The following DZIP3 variants were observed in gnomAD, a reference collection of about 807,000 sequenced individuals.
The protein encoded by DZIP3 is E3 ubiquitin-protein ligase DZIP3.
Under a neutral mutation model 162.0 loss-of-function variants are expected in DZIP3, and 118 were observed. The ratio of observed to expected loss-of-function variants is 0.73; its 90% confidence interval spans 0.63 to 0.85. The LOEUF (loss-of-function observed/expected upper bound fraction) is 0.85. DZIP3 is among the 40% of genes least tolerant of loss of function. The probability of loss-of-function intolerance (pLI) is 0.00; values close to 1 mark genes in which losing one functional copy is unlikely to be tolerated. For synonymous variants in DZIP3, 438 were observed against 458.6 expected (o/e 0.96, Z 0.57); for missense variants, 1,331 against 1,407.0 (o/e 0.95, Z 0.86).
intron 4 of DZIP3, among the ~76,000 whole-genome samples, chr3:108,612,981 C>T (rs1444460069): frequency 1.3e-5 from 2 of 151,992 alleles, no homozygotes; most frequent in South Asian, 2.1e-4. Context: ...AATATCTGAC[C>T]CCTGTACCAG....
At chr3:108,671,649 G>A (rs995290887) in intron 22 of DZIP3, among the ~76,000 whole-genome samples, 1 of 151,834 alleles carries the variant, frequency 6.6e-6, no homozygotes, top group African/African-American at 2.4e-5. Context: ...ACGTAATGAC[G>A]GGGATAATAA....
chr3:108,635,903 A>C (rs1334074731), intron 10 of DZIP3, among the ~76,000 whole-genome samples: 1 of 151,672 alleles, frequency 6.6e-6, no homozygotes, highest in Non-Finnish European at 1.5e-5. Flanking sequence ...TTGAATATGG[A>C]GTTGGGAGAT....
chr3:108,687,929 A>G lies in DZIP3; in HGVS notation c.3150-47A>G, dbSNP rs756106403. 10 of 1,611,358 alleles carry G rather than the reference A, an allele frequency of 6.2e-6. No homozygotes were observed. In the East Asian group the frequency reaches 1.8e-4, roughly 29 times the overall value. The stretch of plus-strand genomic sequence containing the variant: ...CTTTGGTGGGTACATCCTCAAAGGT[A>G]CTAAGGAAAATCATTACTGCCCTTT... On this transcript the variant is annotated intron_variant, in intron 28 of 32. Transcript: ENST00000361582.
At chr3:108,619,325 T>TGTGTGTG (rs1407901267) in intron 5 of DZIP3, among the ~76,000 whole-genome samples, 136 of 149,800 alleles carry the variant, frequency 9.1e-4, no homozygotes, top group African/African-American at 2.9e-3. Context: ...TGTGTGTGTG[T>TGTGTGTG]TTTGTTTTAT....
At chr3:108,670,999 AAG>A (rs949834450) in intron 22 of DZIP3, among the ~76,000 whole-genome samples, 2 of 151,784 alleles carry the variant, frequency 1.3e-5, no homozygotes, top group African/African-American at 4.8e-5. Flanking sequence ...GTTGAGTTTT[AAG>A]AGTTCTTGTC....
At position 108,688,661 on chromosome 3, in the gene DZIP3, T is replaced by G; in HGVS notation, c.3339T>G (p.Ala1113=). The change falls in exon 30 of 33, where the codon GCT becomes GCG. Residue 1113 remains alanine (A), a synonymous_variant. Coordinates refer to ENST00000361582, the MANE Select transcript of DZIP3 (RefSeq NM_014648.4). The part of the protein sequence containing the change: ...SPSHSPSQPD[A]AQPPKPAWRP... ...GTCATTCTCCATCACAGCCTGATGC[T>G]GCCCAGCCCCCAAAACCAGCCTGGA... is the stretch of plus-strand genomic sequence containing the variant. 6.2e-7 allele frequency: 1 copy of G among 1,614,186 alleles called. No homozygotes were observed. The highest frequency in any genetic ancestry group is 8.5e-7 in the Non-Finnish European group (1 of 1,180,006).
intron 9 of DZIP3, among the ~76,000 whole-genome samples, chr3:108,633,995 G>T (rs897419230): frequency 6.6e-6 from 1 of 151,650 alleles, no homozygotes; most frequent in Non-Finnish European, 1.5e-5. Context: ...TATCTCTCTG[G>T]ATCTATCAGA....
rs1352719843 is a variant in DZIP3, at chr3:108,644,547, A to G, written c.1525A>G (p.Arg509Gly). The change falls in exon 14 of 33, where the codon AGG (arginine) becomes GGG (glycine). Residue 509 changes from arginine to glycine, a missense_variant. Physicochemically the swap from Arg to Gly is moderately radical, Grantham distance 125. Around this residue, in one of 2 missense-constraint regions of DZIP3, gnomAD observed 1,278 missense variants for 1,317.1 expected, o/e 0.97. Coordinates refer to ENST00000361582, the MANE Select transcript of DZIP3 (RefSeq NM_014648.4). ...AGACATCCTGAGACTGTGCAAATAC[A>G]GGGATATCCTCCTTAGTGAGATTTT... is the stretch of plus-strand genomic sequence containing the variant. ...SADILRLCKY[R>G]DILLSEILMN... 1 of 1,614,138 alleles carries G rather than the reference A, an allele frequency of 6.2e-7. No homozygotes were observed. Among genetic ancestry groups the G allele is most frequent in the East Asian group, 2.2e-5 (1 of 44,868 alleles).
At chr3:108,595,928 G>A (rs1044510028) in intron 1 of DZIP3, among the ~76,000 whole-genome samples, 6 of 152,152 alleles carry the variant, frequency 3.9e-5, no homozygotes, top group African/African-American at 1.4e-4. Flanking sequence ...TGGGAATACA[G>A]CAATGAATCA....
At chr3:108,615,750 G>A (rs1940968543) in intron 4 of DZIP3, among the ~76,000 whole-genome samples, 1 of 152,256 alleles carries the variant, frequency 6.6e-6, no homozygotes, top group South Asian at 2.1e-4. Flanking sequence ...ACATAATAAA[G>A]CATGCATTAG....
chr3:108,593,055 G>C (rs1227616493), intron 1 of DZIP3, among the ~76,000 whole-genome samples: 2 of 152,144 alleles, frequency 1.3e-5, no homozygotes, highest in East Asian at 3.9e-4. Context: ...TAAGAGATTG[G>C]CTTTTATATC....
chr3:108,670,909 A>G (rs78899424), intron 22 of DZIP3, among the ~76,000 whole-genome samples: 93 of 151,920 alleles, frequency 6.1e-4, no homozygotes, highest in Non-Finnish European at 9.9e-4. Context: ...TCATGTGCTT[A>G]TTGGCCAGTT....
rs376349885 is a variant in DZIP3 at position 108,672,151 on chromosome 3, G to A, written c.2493-409G>A. Among the ~76,000 whole-genome samples the A allele has an allele frequency of 5.3e-5, 8 of 151,930 alleles. No individual in the cohort carries two copies. In the South Asian group the frequency reaches 8.3e-4, roughly 16 times the overall value. On this transcript the variant is annotated intron_variant, in intron 22 of 32. Transcript: ENST00000361582. ...CATTAATTCCATTCATTGGAGTTCCGCCCTTATGACTGATCATCTTCCAAA... is the reference window on the plus strand; with the variant it reads ...CATTAATTCCATTCATTGGAGTTCCACCCTTATGACTGATCATCTTCCAAA...
chr3:108,621,596 T>TACAGGCAATA (rs1255716306), intron 5 of DZIP3, among the ~76,000 whole-genome samples: 1 of 152,158 alleles, frequency 6.6e-6, no homozygotes, highest in Non-Finnish European at 1.5e-5. Context: ...ATGTACAAAA[T>TACAGGCAATA]ACAGGCAATA....
chr3:108,611,325 T>C lies in DZIP3; in HGVS notation c.254T>C (p.Met85Thr). 6.2e-7 allele frequency: 1 copy of C among 1,612,014 alleles called. No homozygotes were observed. Among genetic ancestry groups the C allele is most frequent in the Non-Finnish European group, 8.5e-7 (1 of 1,179,298 alleles). ...FLQEDFSFQT[M>T]QREVAANSQN... The stretch of plus-strand genomic sequence containing the variant: ...CAAGAAGATTTTTCCTTCCAAACTA[T>C]GCAGGTAACGTCATAAGTTGTTATT... The change falls in exon 4 of 33, where the codon ATG (methionine) becomes ACG (threonine). Residue 85 changes from methionine to threonine, a missense_variant. By Grantham distance (81) the Met-to-Thr change is moderately conservative. Around this residue, in one of 2 missense-constraint regions of DZIP3, gnomAD observed 1,278 missense variants for 1,317.1 expected, o/e 0.97. Coordinates refer to ENST00000361582, the MANE Select transcript of DZIP3 (RefSeq NM_014648.4).
In DZIP3 at chr3:108,673,508, T is replaced by C. The variant is rs189485873; in HGVS notation, c.2590-570T>C. On this transcript the variant is annotated intron_variant, in intron 23 of 32. Transcript: ENST00000361582. ...CTTAATGCTGTCCAACAGTGTATTT[T>C]AGTGAATACTGAGTGTTTAGTAGTA... Among the ~76,000 whole-genome samples, 4 of 152,102 alleles carry C rather than the reference T, an allele frequency of 2.6e-5. No individual in the cohort carries two copies. In the East Asian group the frequency reaches 7.7e-4, roughly 29 times the overall value.
At chr3:108,670,372 A>G (rs1159663610) in intron 22 of DZIP3, among the ~76,000 whole-genome samples, 3 of 151,892 alleles carry the variant, frequency 2.0e-5, no homozygotes, top group South Asian at 2.1e-4. Flanking sequence ...TGGACATTTC[A>G]TATAAATTGG....
chr3:108,603,667 C>T (rs1940159615), intron 1 of DZIP3, among the ~76,000 whole-genome samples: 1 of 152,150 alleles, frequency 6.6e-6, no homozygotes, highest in Non-Finnish European at 1.5e-5. Flanking sequence ...GGAAATCTCT[C>T]TCTCTGTGTA....
intron 8 of DZIP3, among the ~76,000 whole-genome samples, chr3:108,631,583 C>CT (rs10708434): frequency 0.016 from 1,590 of 101,362 alleles, 28 homozygotes; most frequent in Non-Finnish European, 0.023. Context: ...TTATTATTCC[C>CT]TTTTTTTTTT....
Sources: allele counts gnomAD v4.1 joint callset (sites outside exome capture counted in the v4.1 genomes callset), GRCh38; gene constraint gnomAD v4.1.1; regional missense constraint gnomAD v4.1.1; transcripts MANE v1.5; gene names NCBI Gene and HGNC (gene_info 2026-07-23, HGNC 2026-07-21).